Variants in IFT80 observed in about 807,000 individuals in gnomAD.
IFT80 encodes intraflagellar transport protein 80 homolog.
In IFT80, 79 loss-of-function variants were observed where a neutral mutation model predicts 107.9. The observed-to-expected ratio is 0.73, with a 90% CI of 0.61 to 0.88. The LOEUF (loss-of-function observed/expected upper bound fraction) is 0.88, where lower values mean the gene tolerates loss of function less well. Among genes scored for constraint, IFT80 ranks in the 40% least tolerant of loss-of-function variants. The pLI is 0.00. For missense variants in IFT80, 797 were observed against 914.2 expected, an observed-to-expected ratio of 0.87 and a Z score of 1.65; for synonymous variants, 299 against 300.9, an observed-to-expected ratio of 0.99 and a Z score of 0.07.
rs76397209 is a variant in IFT80, at chr3:160,309,372, T to C, written c.958-1591A>G. On this transcript the variant is annotated intron_variant, in intron 9 of 19. Coordinates refer to ENST00000326448, the MANE Select transcript of IFT80 (RefSeq NM_020800.3). ...GCTATAAAAAGGAATAAGGAAGATC[T>C]ATAGATGTCCATGAGATGTAGTAAA... Among the ~76,000 whole-genome samples the C allele has an allele frequency of 6.1e-3, 923 of 152,220 alleles. 5 individuals are homozygous for C. The highest frequency in any genetic ancestry group is 9.8e-3 in the Non-Finnish European group (669 of 68,000).
intron 8 of IFT80, among the ~76,000 whole-genome samples, chr3:160,337,250 A>C (rs1719557901): frequency 6.6e-6 from 1 of 152,170 alleles, no homozygotes; most frequent in Non-Finnish European, 1.5e-5. Flanking sequence ...CTAATTCTCT[A>C]GTCGATTCCT....
intron 8 of IFT80, among the ~76,000 whole-genome samples, chr3:160,350,658 T>C (rs1353654774): frequency 1.3e-5 from 2 of 151,820 alleles, no homozygotes; most frequent in Non-Finnish European, 2.9e-5. Context: ...CTACTAAAAA[T>C]ACAAAAATTA....
intron 15 of IFT80, 70 bp from the exon 16 acceptor site, chr3:160,279,434 T>C (rs1372390646): frequency 1.3e-5 from 16 of 1,276,954 alleles, no homozygotes; most frequent in East Asian, 2.4e-5. Context: ...TATATTAAAT[T>C]TGGGGAGTGG....
In IFT80 at chr3:160,279,068, A is replaced by T. The variant is rs1714487073; in HGVS notation, c.1836+125T>A. Reference sequence around the variant, plus strand: ...CTCTGTATTGCCCATGTCTTTACTTATAAAAAAAGACATGATCTTATTCAC... The same window carrying T: ...CTCTGTATTGCCCATGTCTTTACTTTTAAAAAAAGACATGATCTTATTCAC... On this transcript the variant is annotated intron_variant, in intron 16 of 19. Transcript: ENST00000326448. 8.3e-6 allele frequency: 6 copies of T among 720,088 alleles called. No homozygotes were observed. The South Asian group carries it at 1.1e-4, about 13-fold the overall frequency. The allele number at this position is 720,088 out of a possible 1,614,324, so 44.6% of individuals were successfully genotyped here.
In IFT80 at chr3:160,355,895, A is replaced by G; in HGVS notation, c.777+118T>C. ...AACCAGCATATTAAGAAGACAAATC[A>G]GAAAGATTCAACCAGATGCATCCAT... On this transcript the variant is annotated intron_variant, in intron 8 of 19. Transcript: ENST00000326448. 3 of 1,214,088 alleles carry G rather than the reference A, an allele frequency of 2.5e-6. No homozygotes were observed. The Admixed American group carries it at 5.1e-5, about 21-fold the overall frequency. The allele number at this position is 1,214,088 out of a possible 1,614,324, so 75.2% of individuals were successfully genotyped here. A position where few individuals can be genotyped will look rare whatever the true frequency, so the allele number is the denominator to read the frequency against.
intron 12 of IFT80, among the ~76,000 whole-genome samples, chr3:160,293,516 T>C (rs115645472): frequency 0.011 from 1,602 of 152,320 alleles, 30 homozygotes; most frequent in African/African-American, 0.037. Context: ...CTGGTCCTAT[T>C]GACAGGAATG....
intron 8 of IFT80, chr3:160,343,823 CA>C (rs1553761845): frequency 2.3e-5 from 7 of 303,710 alleles, no homozygotes; most frequent in East Asian, 1.3e-4. Flanking sequence ...AAACTGTCAA[CA>C]AAACAGAATT....
intron 11 of IFT80, 138 bp from the exon 12 acceptor site, chr3:160,301,184 A>G (rs750770364): frequency 1.3e-5 from 11 of 851,760 alleles, no homozygotes; most frequent in Non-Finnish European, 1.9e-5. Context: ...TATAAGGAAC[A>G]AAACATTTTA....
chr3:160,282,696 CT>C, intron 13 of IFT80, 83 bp from the exon 14 acceptor site: 1 of 841,030 alleles, frequency 1.2e-6, no homozygotes, highest in Non-Finnish European at 1.9e-6. Context: ...AAATCATTTC[CT>C]TTAAGATCAA....
intron 12 of IFT80, among the ~76,000 whole-genome samples, chr3:160,291,184 T>C (rs925732586): frequency 3.3e-5 from 5 of 152,210 alleles, no homozygotes; most frequent in African/African-American, 1.2e-4. Flanking sequence ...GATTTTGGAC[T>C]AGAGAATTCC....
At chr3:160,355,439 CAG>C in intron 8 of IFT80, among the ~76,000 whole-genome samples, 1 of 151,920 alleles carries the variant, frequency 6.6e-6, no homozygotes, top group Non-Finnish European at 1.5e-5. Flanking sequence ...TTTATACAGA[CAG>C]AGTTTCACTC....
At chr3:160,376,017 A>G in intron 4 of IFT80, 137 bp from the exon 5 acceptor site, 1 of 632,264 alleles carries the variant, frequency 1.6e-6, no homozygotes, top group East Asian at 2.8e-5. Context: ...ATGGAATATT[A>G]CTACATATTT....
chr3:160,266,214 A>T (rs528249405), intron 19 of IFT80, among the ~76,000 whole-genome samples: 1 of 152,032 alleles, frequency 6.6e-6, no homozygotes, highest in Admixed American at 6.6e-5. Context: ...TGGTACTCTT[A>T]TGATTAAAGT....
chr3:160,299,322 G>A, intron 12 of IFT80: 2 of 785,258 alleles, frequency 2.5e-6, no homozygotes, highest in East Asian at 7.8e-5. Flanking sequence ...TATATTTCCT[G>A]CCAGTATAAG....
At chr3:160,279,773 A>G (rs1428013258) in intron 15 of IFT80, among the ~76,000 whole-genome samples, 1 of 152,094 alleles carries the variant, frequency 6.6e-6, no homozygotes, top group African/African-American at 2.4e-5. Flanking sequence ...TTCCAAGACT[A>G]TTTTCTCAGA....
intron 9 of IFT80, among the ~76,000 whole-genome samples, chr3:160,319,311 T>G (rs1055964184): frequency 1.3e-5 from 2 of 152,078 alleles, no homozygotes; most frequent in African/African-American, 4.8e-5. Flanking sequence ...CCATTTTGAC[T>G]CTCCTTAGGT....
At chr3:160,302,041 GTTT>G (rs1716468165) in intron 11 of IFT80, among the ~76,000 whole-genome samples, 1 of 151,888 alleles carries the variant, frequency 6.6e-6, no homozygotes, top group Non-Finnish European at 1.5e-5. Context: ...AATATATCTT[GTTT>G]TATTGCCCTT....
At chr3:160,356,830 T>C (rs1721127923) in intron 7 of IFT80, among the ~76,000 whole-genome samples, 1 of 152,138 alleles carries the variant, frequency 6.6e-6, no homozygotes, top group Non-Finnish European at 1.5e-5. Context: ...TTGCTTACCA[T>C]TTTGCTTAAA....
At chr3:160,270,735 TA>T (rs1713733005) in intron 18 of IFT80, among the ~76,000 whole-genome samples, 1 of 152,170 alleles carries the variant, frequency 6.6e-6, no homozygotes, top group South Asian at 2.1e-4. Flanking sequence ...CTCTCCCATA[TA>T]ATCCCCCCAT....
Sources: gnomAD v4.1 joint callset for allele counts (sites outside exome capture counted in the v4.1 genomes callset) on GRCh38, gnomAD v4.1.1 for gene constraint, MANE v1.5 for transcripts, NCBI Gene and HGNC (gene_info 2026-07-23, HGNC 2026-07-21) for gene names.